The following LIN7C variants were observed in gnomAD, a reference collection of about 807,000 sequenced individuals.
LIN7C encodes the protein protein lin-7 homolog C.
LIN7C carries 17 observed loss-of-function variants against 24.7 expected under a neutral mutation model. That is an observed-to-expected ratio of 0.69 (90% CI 0.47 to 1.03). The LOEUF (loss-of-function observed/expected upper bound fraction) is 1.03. Ranked by LOEUF, LIN7C falls within the 50% of genes least tolerant of loss-of-function variation. The pLI is 0.00. For synonymous variants in LIN7C, 90 were observed against 83.4 expected (o/e 1.08, Z -0.43); for missense variants, 204 against 239.0 (o/e 0.85, Z 0.97).
chr11:27,498,767 A>G lies in LIN7C; in HGVS notation c.476T>C (p.Leu159Pro), dbSNP rs1447875960. The change falls in exon 5 of 5, where the codon CTG (leucine) becomes CCG (proline). Residue 159 changes from leucine (L) to proline (P), a missense_variant. Around this residue, in one of 3 missense-constraint regions of LIN7C, gnomAD observed 74 missense variants for 99.6 expected, o/e 0.74. Transcript: ENST00000278193. ...EGEHHEKAVE[L>P]LKAAQGKVKL... ...AACCTTTCCTTGTGCGGCTTTCAGCAGTTCTACAGCTTTTTCATGATGTTC... is the reference window on the plus strand; with the variant it reads ...AACCTTTCCTTGTGCGGCTTTCAGCGGTTCTACAGCTTTTTCATGATGTTC... The G allele has an allele frequency of 6.2e-7, 1 of 1,614,022 alleles. No homozygotes were observed. The highest frequency in any genetic ancestry group is 2.2e-5 in the East Asian group (1 of 44,856).
Position 27,505,733 on chromosome 11 carries a change from T to C in LIN7C, c.37+983A>G, listed in dbSNP as rs562761426. ...TATTTAGACTAATTGCAAATGTTAA[T>C]ATGTGCAATATAATTTCAGTCTCCA... On this transcript the variant is annotated intron_variant, in intron 1 of 4. Coordinates refer to ENST00000278193, the MANE Select transcript of LIN7C (RefSeq NM_018362.4). 2.0e-4 allele frequency among the ~76,000 whole-genome samples: 31 copies of C among 152,374 alleles called. 1 individual carries two copies. The highest frequency in any genetic ancestry group is 6.7e-4 in the African/African-American group (28 of 41,580).
chr11:27,501,524 G>T lies in LIN7C; in HGVS notation c.199C>A (p.Pro67Thr). ...VYETVDISSS[P>T]EVRANATAKA... The stretch of plus-strand genomic sequence containing the variant: ...GCAGTAGCGTTCGCTCTCACTTCAG[G>T]ACTGCTACTGATGTCCACAGTCTCA... The change falls in exon 3 of 5, where the codon CCT (proline) becomes ACT (threonine). Residue 67 changes from proline to threonine, a missense_variant. Coordinates refer to ENST00000278193, the MANE Select transcript of LIN7C (RefSeq NM_018362.4). The T allele has an allele frequency of 6.3e-7, 1 of 1,595,686 alleles. No homozygotes were observed. Among genetic ancestry groups the T allele is most frequent in the Non-Finnish European group, 8.5e-7 (1 of 1,173,726 alleles).
chr11:27,502,517 AT>A (rs568415451), intron 1 of LIN7C, among the ~76,000 whole-genome samples: 11 of 152,104 alleles, frequency 7.2e-5, no homozygotes, highest in African/African-American at 1.2e-4. Context: ...AAATAAACTG[AT>A]TTTTTTTCAA....
In LIN7C at chr11:27,496,678, A is replaced by G. The variant is rs984207246; in HGVS notation, c.*1971T>C. On this transcript the variant is annotated 3_prime_UTR_variant, in exon 5 of 5. Transcript: ENST00000278193. ...CCGTAGGGAAAAAAATAGCTTACTC[A>G]ACTTACTAAAAGTTTCAACACCAAA... 1 of 152,190 alleles carries G rather than the reference A, an allele frequency of 6.6e-6. No individual in the cohort carries two copies. Among genetic ancestry groups the G allele is most frequent in the East Asian group, 1.9e-4 (1 of 5,190 alleles). 9.4% of individuals were successfully genotyped at this position (152,190 alleles called of 1,614,324 possible).
At position 27,496,093 on chromosome 11, in the gene LIN7C, T is replaced by A. The variant is rs1209939756; in HGVS notation, c.*2556A>T. 6.6e-6 allele frequency: 1 copy of A among 150,702 alleles called. No homozygotes were observed. Among genetic ancestry groups the A allele is most frequent in the Admixed American group, 6.6e-5 (1 of 15,110 alleles). 9.3% of individuals were successfully genotyped at this position (150,702 alleles called of 1,614,324 possible). Reference sequence around the variant, plus strand: ...TACTTCCTAAGAGTGTCCAGTGTAATCAGATCATTTTATAATGGGTTATTG... The same window carrying A: ...TACTTCCTAAGAGTGTCCAGTGTAAACAGATCATTTTATAATGGGTTATTG... On this transcript the variant is annotated 3_prime_UTR_variant, in exon 5 of 5. Coordinates refer to ENST00000278193, the MANE Select transcript of LIN7C (RefSeq NM_018362.4).
chr11:27,498,790 T>C lies in LIN7C; in HGVS notation c.453A>G (p.Glu151=), dbSNP rs763657617. ...LSVNGVSVEG[E]HHEKAVELLK... is the part of the protein sequence containing the mutation. Reference sequence around the variant, plus strand: ...GCAGTTCTACAGCTTTTTCATGATGTTCTCCTTCAACACTCTAGGGGAAAA... The same window carrying C: ...GCAGTTCTACAGCTTTTTCATGATGCTCTCCTTCAACACTCTAGGGGAAAA... The change falls in exon 5 of 5, where the codon GAA becomes GAG. Residue 151 remains glutamate, a synonymous_variant. Coordinates refer to ENST00000278193, the MANE Select transcript of LIN7C (RefSeq NM_018362.4). 1 of 1,613,894 alleles carries C rather than the reference T, an allele frequency of 6.2e-7. No homozygotes were observed. Among genetic ancestry groups the C allele is most frequent in the East Asian group, 2.2e-5 (1 of 44,856 alleles).
rs897378891 is a variant in LIN7C at position 27,496,896 on chromosome 11, G to A, written c.*1753C>T. Reference sequence around the variant, plus strand: ...AACAATAATATTACTGTTTTTATATGCACCAATACCTCTCTTTAATATATA... The same window carrying A: ...AACAATAATATTACTGTTTTTATATACACCAATACCTCTCTTTAATATATA... On this transcript the variant is annotated 3_prime_UTR_variant, in exon 5 of 5. Transcript: ENST00000278193. 6.6e-6 allele frequency: 1 copy of A among 152,448 alleles called. No individual in the cohort carries two copies. The highest frequency in any genetic ancestry group is 1.5e-5 in the Non-Finnish European group (1 of 67,982). The allele number at this position is 152,448 out of a possible 1,614,324, so 9.4% of individuals were successfully genotyped here.
chr11:27,498,003 T>C lies in LIN7C; in HGVS notation c.*646A>G, dbSNP rs1445779309. 1 of 152,172 alleles carries C rather than the reference T, an allele frequency of 6.6e-6. No homozygotes were observed. Among genetic ancestry groups the C allele is most frequent in the African/African-American group, 2.4e-5 (1 of 41,456 alleles). 9.4% of individuals were successfully genotyped at this position (152,172 alleles called of 1,614,324 possible). A position where few individuals can be genotyped will look rare whatever the true frequency, so the allele number is the denominator to read the frequency against. On this transcript the variant is annotated 3_prime_UTR_variant, in exon 5 of 5. Coordinates refer to ENST00000278193, the MANE Select transcript of LIN7C (RefSeq NM_018362.4). ...ATTGTTTCAGTGTTTAAAAACTTAC[T>C]TTCATAAATCAGTATAAATGAATAT... is the stretch of plus-strand genomic sequence containing the variant.
intron 2 of LIN7C, 54 bp from the exon 3 acceptor site, chr11:27,501,620 A>AGTTAAAATTTCAGGCGAC (rs1865227293): frequency 7.5e-6 from 10 of 1,336,472 alleles, no homozygotes. Flanking sequence ...TTCTCTGTGA[A>AGTTAAAATTTCAGGCGAC]GTTAAAATTT....
In LIN7C at chr11:27,499,563, A is replaced by G; in HGVS notation, c.234T>C (p.Thr78=). The change falls in exon 4 of 5, where the codon ACT becomes ACC. Residue 78 remains threonine, a synonymous_variant. Coordinates refer to ENST00000278193, the MANE Select transcript of LIN7C (RefSeq NM_018362.4). ...EVRANATAKA[T]VAAFAASEGH... Reference sequence around the variant, plus strand: ...CTTCACTGGCAGCAAATGCAGCAACAGTAGCCTGAAAGAAAGTTTTACATA... The same window carrying G: ...CTTCACTGGCAGCAAATGCAGCAACGGTAGCCTGAAAGAAAGTTTTACATA... The G allele has an allele frequency of 6.2e-7, 1 of 1,613,394 alleles. No individual in the cohort carries two copies. The highest frequency in any genetic ancestry group is 8.5e-7 in the Non-Finnish European group (1 of 1,179,732).
rs1455531086 is a variant in LIN7C, at chr11:27,496,954, C to T, written c.*1695G>A. The stretch of plus-strand genomic sequence containing the variant: ...ACAACAAATACCTCTAATAATTTTA[C>T]AATTAAATTAAGTCCATACTTCTAT... On this transcript the variant is annotated 3_prime_UTR_variant, in exon 5 of 5. Coordinates refer to ENST00000278193, the MANE Select transcript of LIN7C (RefSeq NM_018362.4). 1.3e-5 allele frequency: 2 copies of T among 152,524 alleles called. No homozygotes were observed. The highest frequency in any genetic ancestry group is 4.8e-5 in the African/African-American group (2 of 41,418). 9.4% of individuals were successfully genotyped at this position (152,524 alleles called of 1,614,324 possible).
rs541858956 is a variant in LIN7C at position 27,496,853 on chromosome 11, A to G, written c.*1796T>C. The G allele has an allele frequency of 1.3e-5, 2 of 152,436 alleles. No homozygotes were observed. Among genetic ancestry groups the G allele is most frequent in the Non-Finnish European group, 2.9e-5 (2 of 68,012 alleles). The allele number at this position is 152,436 out of a possible 1,614,324, so 9.4% of individuals were successfully genotyped here. On this transcript the variant is annotated 3_prime_UTR_variant, in exon 5 of 5. Transcript: ENST00000278193. ...TTCTTCAGGGTTTACTTACCCTGAA[A>G]TGCAAGAATACAAGCATAACAATAA...
intron 1 of LIN7C, 129 bp downstream of exon 1, chr11:27,506,587 G>A: frequency 9.8e-7 from 1 of 1,017,278 alleles, no homozygotes; most frequent in Non-Finnish European, 1.5e-6. Context: ...GACAACGGCG[G>A]CCTCTGGCGC....
At chr11:27,500,819 T>C (rs1178277005) in intron 3 of LIN7C, among the ~76,000 whole-genome samples, 2 of 152,230 alleles carry the variant, frequency 1.3e-5, no homozygotes, top group Non-Finnish European at 1.5e-5. Context: ...TCTACACTGA[T>C]AAACTATATC....
intron 1 of LIN7C, 113 bp downstream of exon 1, chr11:27,506,603 C>A: frequency 1.6e-6 from 2 of 1,265,530 alleles, no homozygotes; most frequent in Non-Finnish European, 1.1e-6. Context: ...GGCGCCGGCA[C>A]AAGGGACAGC....
intron 1 of LIN7C, among the ~76,000 whole-genome samples, chr11:27,505,771 AT>A (rs202135456): frequency 6.6e-6 from 1 of 151,544 alleles, no homozygotes; most frequent in African/African-American, 2.4e-5. Flanking sequence ...CTACATATAC[AT>A]TTTTTTTTAC....
chr11:27,499,275 T>C, intron 4 of LIN7C, 84 bp downstream of exon 4: 1 of 1,109,480 alleles, frequency 9.0e-7, no homozygotes, highest in Non-Finnish European at 1.3e-6. Context: ...AAACCACAAG[T>C]TTCTTAGGTT....
intron 1 of LIN7C, among the ~76,000 whole-genome samples, chr11:27,505,466 G>A (rs981985915): frequency 2.6e-5 from 4 of 152,326 alleles, no homozygotes; most frequent in Non-Finnish European, 5.9e-5. Context: ...TGCTCAAGAG[G>A]AAGATGTCAG....
chr11:27,501,893 T>C lies in LIN7C; in HGVS notation c.65A>G (p.Glu22Gly). 1 of 1,609,362 alleles carries C rather than the reference T, an allele frequency of 6.2e-7. No homozygotes were observed. Among genetic ancestry groups the C allele is most frequent in the South Asian group, 1.1e-5 (1 of 90,868 alleles). ...TACTTCTCCACTCCTTTGTAGTTTT[T>C]CCAATAATTCAATTGCTCTACAAAT... ...RDICRAIELL[E>G]KLQRSGEVPP... The change falls in exon 2 of 5, where the codon GAA (glutamate) becomes GGA (glycine). Residue 22 changes from glutamate to glycine, a missense_variant. Physicochemically the swap from Glu to Gly is moderately conservative, Grantham distance 98 (BLOSUM62 -2). This residue lies in a region of LIN7C where 126 missense variants were observed against 117.8 expected (regional missense o/e 1.07). Coordinates refer to ENST00000278193, the MANE Select transcript of LIN7C (RefSeq NM_018362.4).
Sources: gnomAD v4.1 joint callset for allele counts (sites outside exome capture counted in the v4.1 genomes callset) on GRCh38, gnomAD v4.1.1 for gene constraint, gnomAD v4.1.1 regional missense constraint, MANE v1.5 for transcripts, NCBI Gene and HGNC (gene_info 2026-07-23, HGNC 2026-07-21) for gene names.